The following MYH11 variants were observed in gnomAD, a reference collection of about 807,000 sequenced individuals.
The protein encoded by MYH11 is myosin heavy chain 11.
In MYH11, 80 loss-of-function variants were observed where a neutral mutation model predicts 246.6. The observed-to-expected ratio is 0.32, with a 90% CI of 0.27 to 0.39. The LOEUF is 0.39. Ranked by LOEUF, MYH11 falls within the 10% of genes least tolerant of loss-of-function variation. The pLI is 1.00. For missense variants in MYH11, 2,158 were observed against 2,546.8 expected (o/e 0.85, Z 3.29); for synonymous variants, 1,071 against 1,015.5 (o/e 1.05, Z -1.04).
chr16:15,808,929 C>G (rs1485812064), intron 3 of MYH11, among the ~76,000 whole-genome samples: 1 of 152,062 alleles, frequency 6.6e-6, no homozygotes, highest in Non-Finnish European at 1.5e-5. Flanking sequence ...GAAAGCAGAA[C>G]TGGCCAGTGA....
chr16:15,715,962 C>A (rs1461193356), intron 38 of MYH11, among the ~76,000 whole-genome samples: 1 of 152,006 alleles, frequency 6.6e-6, no homozygotes, highest in African/African-American at 2.4e-5. Context: ...CCCATCCCTA[C>A]TAAAAAATAC....
chr16:15,761,851 A>C (rs2041874685), intron 10 of MYH11, among the ~76,000 whole-genome samples: 1 of 152,212 alleles, frequency 6.6e-6, no homozygotes, highest in African/African-American at 2.4e-5. Context: ...GCCACTGCAA[A>C]ATTATAACTG....
At position 15,724,421 on chromosome 16, in the gene MYH11, G is replaced by C; in HGVS notation, c.4117-12C>G. 6.2e-7 allele frequency: 1 copy of C among 1,613,674 alleles called. No individual in the cohort carries two copies. Among genetic ancestry groups the C allele is most frequent in the African/African-American group, 1.3e-5 (1 of 75,024 alleles). The stretch of plus-strand genomic sequence containing the variant: ...TTCGAGTCGGAGAGCTACAAGGACA[G>C]CGTCCAGGGTAGGGTGAGAGGGGGA... On this transcript the variant is annotated splice_polypyrimidine_tract_variant and intron_variant, in intron 30 of 40. Transcript: ENST00000300036.
At chr16:15,728,608 A>C (rs1013827649) in intron 27 of MYH11, among the ~76,000 whole-genome samples, 1 of 152,026 alleles carries the variant, frequency 6.6e-6, no homozygotes, top group Non-Finnish European at 1.5e-5. Flanking sequence ...GGAAAAAAAA[A>C]GTGTGTTGGG....
chr16:15,719,774 C>T (rs2040369534), intron 34 of MYH11, 61 bp from the exon 35 acceptor site: 13 of 1,610,878 alleles, frequency 8.1e-6, no homozygotes, highest in Non-Finnish European at 1.1e-5. Flanking sequence ...TTCTGCTGCC[C>T]AGTTCAGCTT....
chr16:15,808,215 T>C (rs9673727), intron 3 of MYH11, among the ~76,000 whole-genome samples: 13,748 of 152,242 alleles, frequency 0.09, 722 homozygotes, highest in Middle Eastern at 0.14. Context: ...AGGTGGCCAC[T>C]GCATGGCCCT....
intron 3 of MYH11, among the ~76,000 whole-genome samples, chr16:15,799,116 T>C (rs145083225): frequency 5.9e-5 from 9 of 152,292 alleles, no homozygotes; most frequent in Admixed American, 3.3e-4. Flanking sequence ...ATCTGTAATA[T>C]AGTATTGTGC....
intron 1 of MYH11, among the ~76,000 whole-genome samples, chr16:15,838,980 A>G (rs971039793): frequency 6.6e-6 from 1 of 151,954 alleles, no homozygotes; most frequent in African/African-American, 2.4e-5. Flanking sequence ...ACATAGAATT[A>G]CCCAGATTCC....
chr16:15,835,288 A>G (rs2043862800), intron 2 of MYH11, among the ~76,000 whole-genome samples: 1 of 152,154 alleles, frequency 6.6e-6, no homozygotes, highest in African/African-American at 2.4e-5. Flanking sequence ...GCATTTCCAA[A>G]TGGAAAAAAG....
chr16:15,819,381 C>A (rs981214172), intron 3 of MYH11, among the ~76,000 whole-genome samples: 1 of 152,208 alleles, frequency 6.6e-6, no homozygotes, highest in Non-Finnish European at 1.5e-5. Flanking sequence ...ACTGGTACTG[C>A]ACAGCAGGAG....
At chr16:15,719,510 GCA>G (rs887004121) in intron 35 of MYH11, 73 bp downstream of exon 35, 2 of 1,604,446 alleles carry the variant, frequency 1.2e-6, no homozygotes, top group Admixed American at 1.7e-5. Flanking sequence ...ATCTGGGAAT[GCA>G]CAGACTGGAG....
At chr16:15,762,645 C>T (rs2041894934) in intron 10 of MYH11, among the ~76,000 whole-genome samples, 1 of 152,160 alleles carries the variant, frequency 6.6e-6, no homozygotes, top group South Asian at 2.1e-4. Flanking sequence ...AACCAATCAG[C>T]ACCCCCAACT....
chr16:15,713,846 C>G (rs1167746872), intron 40 of MYH11: 1 of 152,596 alleles, frequency 6.6e-6, no homozygotes, highest in African/African-American at 2.4e-5. Context: ...AGAGGGGGAA[C>G]CGGATGTTGA....
At chr16:15,815,044 A>T (rs2043232763) in intron 3 of MYH11, among the ~76,000 whole-genome samples, 1 of 152,230 alleles carries the variant, frequency 6.6e-6, no homozygotes, top group Admixed American at 6.5e-5. Flanking sequence ...GAAGAATCAG[A>T]TTAGCCCATG....
At chr16:15,820,481 A>G (rs1320627753) in intron 3 of MYH11, among the ~76,000 whole-genome samples, 1 of 151,698 alleles carries the variant, frequency 6.6e-6, no homozygotes, top group Non-Finnish European at 1.5e-5. Flanking sequence ...TCCGGAAAAA[A>G]AAAAAAAAAA....
intron 24 of MYH11, 51 bp downstream of exon 24, chr16:15,738,514 A>G: frequency 6.7e-7 from 1 of 1,491,534 alleles, no homozygotes; most frequent in Non-Finnish European, 9.1e-7. Context: ...CCTCATCTCT[A>G]AAAAAAATAA....
chr16:15,721,227 C>A, intron 32 of MYH11, 176 bp from the exon 33 acceptor site: 4 of 926,596 alleles, frequency 4.3e-6, no homozygotes, highest in East Asian at 2.6e-5. Context: ...TATCCTCGGA[C>A]CCCCCAACTC....
chr16:15,788,621 C>G (rs1174055293), intron 4 of MYH11, among the ~76,000 whole-genome samples: 1 of 152,172 alleles, frequency 6.6e-6, no homozygotes, highest in African/African-American at 2.4e-5. Flanking sequence ...AATCAAGTGT[C>G]TGATGGCCAA....
At chr16:15,760,272 G>C (rs766173250) in intron 11 of MYH11, among the ~76,000 whole-genome samples, 1 of 152,044 alleles carries the variant, frequency 6.6e-6, no homozygotes, top group South Asian at 2.1e-4. Context: ...TGGACAGATG[G>C]CTGGGTCATG....
Sources: allele counts gnomAD v4.1 joint callset (sites outside exome capture counted in the v4.1 genomes callset), GRCh38; gene constraint gnomAD v4.1.1; transcripts MANE v1.5; gene names NCBI Gene and HGNC (gene_info 2026-07-23, HGNC 2026-07-21).